ARFGEF1: variants seen among roughly 807,000 people sequenced by gnomAD.
ARFGEF1 encodes ARF guanine nucleotide exchange factor 1.
In ARFGEF1, 42 loss-of-function variants were observed where a neutral mutation model predicts 231.0. The observed-to-expected ratio is 0.18, with a 90% CI of 0.14 to 0.24. The LOEUF (loss-of-function observed/expected upper bound fraction) is 0.24, where lower values mean the gene tolerates loss of function less well. ARFGEF1 is among the 10% of genes least tolerant of loss of function. The pLI is 1.00. For synonymous variants in ARFGEF1, 710 were observed against 732.3 expected (o/e 0.97, Z 0.49); for missense variants, 1,345 against 2,192.0 (o/e 0.61, Z 7.72).
At chr8:67,230,166 G>C (rs1456923911) in intron 23 of ARFGEF1, among the ~76,000 whole-genome samples, 3 of 152,106 alleles carry the variant, frequency 2.0e-5, no homozygotes, top group African/African-American at 7.2e-5. Flanking sequence ...GAGCACAGCA[G>C]TCTGTGGGGG....
intron 19 of ARFGEF1, among the ~76,000 whole-genome samples, chr8:67,250,284 T>A (rs981484460): frequency 5.3e-5 from 8 of 152,164 alleles, no homozygotes. Flanking sequence ...GACATGAAGA[T>A]GCCTGTTAGG....
At chr8:67,189,586 G>A (rs1835637955) in intron 5 of ARFGEF1, among the ~76,000 whole-genome samples, 1 of 152,148 alleles carries the variant, frequency 6.6e-6, no homozygotes, top group Non-Finnish European at 1.5e-5. Context: ...TCAATTATAT[G>A]TTAAACAATG....
At position 67,332,247 on chromosome 8, in the gene ARFGEF1, CACATA is replaced by C. The variant is rs377221643; in HGVS notation, c.124+10912_124+10916del. The stretch of plus-strand genomic sequence containing the variant: ...TAAGATAAAGTCTTATTGGTAATTT[CACATA>C]ACATAACATTTTAATAAGATTTTGT... On this transcript the variant is annotated intron_variant, in intron 1 of 38. Transcript: ENST00000262215. 1.7e-3 allele frequency among the ~76,000 whole-genome samples: 262 copies of C among 152,212 alleles called. 1 individual carries two copies. Among genetic ancestry groups the C allele is most frequent in the African/African-American group, 5.5e-3 (227 of 41,526 alleles).
At chr8:67,340,303 A>G (rs1587356808) in intron 1 of ARFGEF1, among the ~76,000 whole-genome samples, 3 of 152,358 alleles carry the variant, frequency 2.0e-5, no homozygotes, top group African/African-American at 7.2e-5. Context: ...TAGAAGGGTT[A>G]TAACACCACC....
chr8:67,328,980 G>A (rs1258191492), intron 1 of ARFGEF1, among the ~76,000 whole-genome samples: 1 of 152,076 alleles, frequency 6.6e-6, no homozygotes, highest in African/African-American at 2.4e-5. Context: ...ATAATCCCTG[G>A]ACTTTGGAAG....
intron 17 of ARFGEF1, 28 bp downstream of exon 17, chr8:67,257,704 T>C (rs1450615893): frequency 1.3e-6 from 2 of 1,505,912 alleles, no homozygotes; most frequent in South Asian, 2.4e-5. Context: ...TACCGCTTAT[T>C]GTAAAACTGA....
chr8:67,179,961 T>C, intron 5 of ARFGEF1: 1 of 1,208,024 alleles, frequency 8.3e-7, no homozygotes, highest in African/African-American at 1.5e-5. Context: ...CTATATTGTT[T>C]AAATATTAAA....
intron 34 of ARFGEF1, among the ~76,000 whole-genome samples, chr8:67,206,677 A>G (rs1451109359): frequency 6.6e-6 from 1 of 152,246 alleles, no homozygotes; most frequent in African/African-American, 2.4e-5. Flanking sequence ...AGAGGACTCA[A>G]CTCCTGAGAT....
At chr8:67,228,431 G>A (rs1302919656) in intron 23 of ARFGEF1, among the ~76,000 whole-genome samples, 167 bp from the exon 24 acceptor site, 1 of 151,828 alleles carries the variant, frequency 6.6e-6, no homozygotes, top group South Asian at 2.1e-4. Context: ...AGTGTAGTCT[G>A]GATGTTTCTC....
chr8:67,319,057 A>T (rs1166285976), intron 1 of ARFGEF1, among the ~76,000 whole-genome samples: 8 of 152,242 alleles, frequency 5.3e-5, no homozygotes, highest in Admixed American at 5.2e-4. Context: ...TAAAATATAT[A>T]CTGAAAGAAA....
At chr8:67,301,890 T>C (rs1806507601) in intron 2 of ARFGEF1, among the ~76,000 whole-genome samples, 1 of 152,218 alleles carries the variant, frequency 6.6e-6, no homozygotes, top group African/African-American at 2.4e-5. Flanking sequence ...TACTTATTTA[T>C]ATGAGAATCT....
At chr8:67,257,860 T>C (rs753493479) in intron 16 of ARFGEF1, 44 bp from the exon 17 acceptor site, 1 of 1,492,068 alleles carries the variant, frequency 6.7e-7, no homozygotes, top group Non-Finnish European at 9.2e-7. Flanking sequence ...TACTGTTTTA[T>C]ATAGTTTCAT....
intron 8 of ARFGEF1, among the ~76,000 whole-genome samples, 200 bp downstream of exon 8, chr8:67,277,082 T>C (rs1384619908): frequency 6.6e-6 from 1 of 152,068 alleles, no homozygotes; most frequent in East Asian, 1.9e-4. Context: ...GTTGGAAATG[T>C]AACTATCAAA....
intron 14 of ARFGEF1, among the ~76,000 whole-genome samples, chr8:67,264,121 C>CT (rs1480750154): frequency 1.3e-5 from 2 of 151,884 alleles, no homozygotes; most frequent in Non-Finnish European, 2.9e-5. Flanking sequence ...GTTTTATTCT[C>CT]TAAGAGAGGG....
At chr8:67,217,626 T>A (rs1055728331) in intron 32 of ARFGEF1, among the ~76,000 whole-genome samples, 156 bp downstream of exon 32, 15 of 152,170 alleles carry the variant, frequency 9.9e-5, no homozygotes, top group Non-Finnish European at 1.9e-4. Flanking sequence ...AGCAGTTTGG[T>A]TTGTAATAAA....
At chr8:67,238,614 AC>A in intron 21 of ARFGEF1, 120 bp downstream of exon 21, 1 of 1,425,794 alleles carries the variant, frequency 7.0e-7, no homozygotes, top group Non-Finnish European at 9.5e-7. Context: ...AAAAAGCTAA[AC>A]GTACTTATTC....
At chr8:67,189,109 ACT>A (rs1835487692) in intron 5 of ARFGEF1, among the ~76,000 whole-genome samples, 3 of 152,184 alleles carry the variant, frequency 2.0e-5, no homozygotes, top group Admixed American at 2.0e-4. Context: ...CATTCAAAAC[ACT>A]GACACCAAAT....
intron 1 of ARFGEF1, among the ~76,000 whole-genome samples, chr8:67,306,977 C>A (rs547589819): frequency 6.6e-6 from 1 of 152,348 alleles, no homozygotes; most frequent in Admixed American, 6.5e-5. Context: ...CGAGGTTTCA[C>A]CATGTTGGCC....
chr8:67,178,256 GT>G (rs1428010771), intron 5 of ARFGEF1, among the ~76,000 whole-genome samples: 1 of 152,150 alleles, frequency 6.6e-6, no homozygotes, highest in Non-Finnish European at 1.5e-5. Flanking sequence ...TGGAAGTAGT[GT>G]TGAGGTCTAC....
Sources: gnomAD v4.1 joint callset for allele counts (sites outside exome capture counted in the v4.1 genomes callset) on GRCh38, gnomAD v4.1.1 for gene constraint, MANE v1.5 for transcripts, NCBI Gene and HGNC (gene_info 2026-07-23, HGNC 2026-07-21) for gene names.